Variants in PCLO observed in about 807,000 individuals in gnomAD.
PCLO encodes protein piccolo.
Under a neutral mutation model 427.5 loss-of-function variants are expected in PCLO, and 82 were observed. The observed-to-expected ratio is 0.19, with a 90% CI of 0.16 to 0.23. PCLO has a LOEUF of 0.23. Ranked by LOEUF, PCLO falls within the 10% of genes least tolerant of loss-of-function variation. The pLI is 1.00. For missense variants in PCLO, 6,239 were observed against 6,115.9 expected (o/e 1.02, Z -0.67); for synonymous variants, 2,357 against 2,155.4 (o/e 1.09, Z -2.59).
intron 8 of PCLO, among the ~76,000 whole-genome samples, chr7:82,904,260 CTT>C (rs1269332036): frequency 2.6e-5 from 4 of 151,902 alleles, no homozygotes; most frequent in South Asian, 4.2e-4. Context: ...GCTGTTCACT[CTT>C]CTCTCTCCTG....
rs566251128 is a variant in PCLO, at chr7:83,152,378, A to C, written c.1893+2370T>G. On this transcript the variant is annotated intron_variant, in intron 2 of 24. Transcript: ENST00000333891. Reference sequence around the variant, plus strand: ...TATCTAACAAATATTTGATTCTCCCATAGCATTCAATAATGCTTTGTAACT... The same window carrying C: ...TATCTAACAAATATTTGATTCTCCCCTAGCATTCAATAATGCTTTGTAACT... Among the ~76,000 whole-genome samples, 51 of 152,354 alleles carry C rather than the reference A, an allele frequency of 3.3e-4. No individual in the cohort carries two copies. In the East Asian group the frequency reaches 9.1e-3, roughly 27 times the overall value.
Position 82,822,687 on chromosome 7 carries a change from T to A in PCLO, c.14599A>T (p.Met4867Leu), listed in dbSNP as rs759201455. The change falls in exon 20 of 25, where the codon ATG becomes TTG. Residue 4867 changes from methionine (M) to leucine (L), a missense_variant and splice_region_variant. Coordinates refer to ENST00000333891, the MANE Select transcript of PCLO (RefSeq NM_033026.6). ...GATTTCTCAATGGTGGGAACCTGCATGTCTGGTCACAAAAGGGTAAAACAT... is the reference window on the plus strand; with the variant it reads ...GATTTCTCAATGGTGGGAACCTGCAAGTCTGGTCACAAAAGGGTAAAACAT... Reference protein sequence around the residue: ...HGIFPDPSKDMQVPTIEKSHS... With the variant: ...HGIFPDPSKDLQVPTIEKSHS... The A allele has an allele frequency of 7.4e-6, 12 of 1,612,662 alleles. No individual in the cohort carries two copies. Among genetic ancestry groups the A allele is most frequent in the Middle Eastern group, 1.7e-4 (1 of 6,058 alleles).
At chr7:82,782,454 T>C (rs764975197) in intron 22 of PCLO, among the ~76,000 whole-genome samples, 3 of 152,198 alleles carry the variant, frequency 2.0e-5, no homozygotes, top group Non-Finnish European at 2.9e-5. Context: ...TTTGCTTAAA[T>C]CACAGGGACT....
intron 20 of PCLO, among the ~76,000 whole-genome samples, chr7:82,808,056 G>A (rs1365217029): frequency 6.6e-6 from 1 of 151,892 alleles, no homozygotes; most frequent in Non-Finnish European, 1.5e-5. Context: ...AGATTAAAAT[G>A]CATAACCTAC....
intron 3 of PCLO, among the ~76,000 whole-genome samples, chr7:82,968,918 T>C (rs1460358181): frequency 6.6e-6 from 1 of 152,176 alleles, no homozygotes; most frequent in Non-Finnish European, 1.5e-5. Flanking sequence ...AGGTGGGTAT[T>C]AAGCATCTCC....
chr7:83,155,087 C>T lies in PCLO; in HGVS notation c.1554G>A (p.Lys518=), dbSNP rs1031411069. 6.3e-7 allele frequency: 1 copy of T among 1,596,728 alleles called. No individual in the cohort carries two copies. The highest frequency in any genetic ancestry group is 8.5e-7 in the Non-Finnish European group (1 of 1,174,200). ...TTGAGCCAGGCTGTTGAGGTGAGGG[C>T]TTTGCTGGGCCAGGCTGTTGAGGTG... The part of the protein sequence containing the change: ...KPPPQQPGPA[K]PSPQQPGSTK... The change falls in exon 2 of 25, where the codon AAG becomes AAA. Residue 518 remains lysine (K), a synonymous_variant. Coordinates refer to ENST00000333891, the MANE Select transcript of PCLO (RefSeq NM_033026.6).
chr7:83,114,210 C>G (rs981544558), intron 3 of PCLO, among the ~76,000 whole-genome samples: 3 of 152,008 alleles, frequency 2.0e-5, no homozygotes, highest in African/African-American at 7.2e-5. Flanking sequence ...TTTGATAGTC[C>G]TGAGGAGATA....
intron 2 of PCLO, among the ~76,000 whole-genome samples, chr7:83,148,142 T>C (rs1431238189): frequency 6.6e-6 from 1 of 152,196 alleles, no homozygotes. Flanking sequence ...ATTCACACCC[T>C]TTCCTTTCTT....
chr7:82,777,056 C>T (rs905850003), intron 22 of PCLO, among the ~76,000 whole-genome samples: 2 of 152,036 alleles, frequency 1.3e-5, no homozygotes, highest in Admixed American at 1.3e-4. Flanking sequence ...TTCCCCTTAA[C>T]TCTGCCTTAG....
At chr7:82,920,590 A>C (rs1584155643) in intron 6 of PCLO, among the ~76,000 whole-genome samples, 1 of 151,988 alleles carries the variant, frequency 6.6e-6, no homozygotes, top group South Asian at 2.1e-4. Flanking sequence ...AAGCTAACAA[A>C]CAAATAACCT....
rs112469559 is a variant in PCLO, at chr7:82,958,309, T to C, written c.4018-1374A>G. On this transcript the variant is annotated intron_variant, in intron 4 of 24. Transcript: ENST00000333891. ...TCCTTCCTTCCTCCTTCCTTCTTCC[T>C]TCCTTCATCCTTCCTTCCTTCTTCC... is the stretch of plus-strand genomic sequence containing the variant. Among the ~76,000 whole-genome samples the C allele has an allele frequency of 9.9e-5, 15 of 151,360 alleles. 1 individual carries two copies. The highest frequency in any genetic ancestry group is 3.6e-4 in the African/African-American group (15 of 41,168).
intron 3 of PCLO, among the ~76,000 whole-genome samples, chr7:83,080,660 T>G (rs975626284): frequency 2.0e-5 from 3 of 152,108 alleles, no homozygotes; most frequent in African/African-American, 7.2e-5. Context: ...CAGTTTTACC[T>G]TTAATAAAGA....
intron 22 of PCLO, among the ~76,000 whole-genome samples, chr7:82,793,162 T>A (rs540906463): frequency 2.6e-5 from 4 of 152,278 alleles, no homozygotes; most frequent in African/African-American, 9.6e-5. Flanking sequence ...CCCCATTCAC[T>A]GCCCACGTGC....
At chr7:82,925,199 A>AAG (rs1364557131) in intron 6 of PCLO, among the ~76,000 whole-genome samples, 1 of 152,206 alleles carries the variant, frequency 6.6e-6, no homozygotes, top group East Asian at 1.9e-4. Context: ...ATCATCTAAA[A>AAG]AGAGCTATTT....
intron 8 of PCLO, among the ~76,000 whole-genome samples, chr7:82,903,068 T>G (rs1489324396): frequency 6.6e-6 from 1 of 152,130 alleles, no homozygotes; most frequent in African/African-American, 2.4e-5. Context: ...ACCTCGGATA[T>G]AGAATGTATT....
intron 22 of PCLO, among the ~76,000 whole-genome samples, chr7:82,779,746 C>T (rs199964555): frequency 4.5e-5 from 6 of 134,374 alleles, no homozygotes; most frequent in Non-Finnish European, 9.5e-5. Flanking sequence ...TTCTTTCTTT[C>T]TTTTTTTTTT....
intron 16 of PCLO, among the ~76,000 whole-genome samples, chr7:82,830,296 T>G (rs1224104765): frequency 2.6e-5 from 4 of 152,004 alleles, no homozygotes; most frequent in African/African-American, 9.6e-5. Flanking sequence ...CAAAAATTTT[T>G]AGTAAGATAT....
chr7:83,123,597 C>G (rs973721019), intron 3 of PCLO, among the ~76,000 whole-genome samples: 3 of 152,086 alleles, frequency 2.0e-5, no homozygotes, highest in Admixed American at 2.0e-4. Context: ...CTCAAAAGCA[C>G]AGGCAACAAA....
chr7:82,902,604 C>G (rs374326569), intron 9 of PCLO, 47 bp downstream of exon 9: 2 of 1,124,520 alleles, frequency 1.8e-6, no homozygotes, highest in African/African-American at 3.2e-5. Context: ...CAAAACAAAA[C>G]AAAACAAAAA....
Sources: allele counts gnomAD v4.1 joint callset (sites outside exome capture counted in the v4.1 genomes callset), GRCh38; gene constraint gnomAD v4.1.1; transcripts MANE v1.5; gene names NCBI Gene and HGNC (gene_info 2026-07-23, HGNC 2026-07-21).